The following TK2 variants were observed in gnomAD, a reference collection of about 807,000 sequenced individuals.
TK2 encodes thymidine kinase 2, mitochondrial.
In TK2, 35 loss-of-function variants were observed where a neutral mutation model predicts 41.9. That is an observed-to-expected ratio of 0.84 (90% CI 0.64 to 1.11). TK2 has a LOEUF of 1.11. Among genes scored for constraint, TK2 ranks in the 50% least tolerant of loss-of-function variants. The probability of loss-of-function intolerance (pLI) is 0.00; values close to 1 mark genes in which losing one functional copy is unlikely to be tolerated. For missense variants in TK2, 320 were observed against 351.1 expected, an observed-to-expected ratio of 0.91 and a Z score of 0.71; for synonymous variants, 128 against 129.1, an observed-to-expected ratio of 0.99 and a Z score of 0.06.
intron 2 of TK2, among the ~76,000 whole-genome samples, chr16:66,547,368 T>C (rs1330946553): frequency 6.6e-6 from 1 of 152,212 alleles, no homozygotes; most frequent in Non-Finnish European, 1.5e-5. Flanking sequence ...CGGATCGTGC[T>C]GGGTGGGGGT....
At chr16:66,518,417 C>T (rs1186341060) in intron 6 of TK2, among the ~76,000 whole-genome samples, 1 of 152,088 alleles carries the variant, frequency 6.6e-6, no homozygotes, top group Non-Finnish European at 1.5e-5. Flanking sequence ...ATGGTCCTAG[C>T]TACTCGGGAA....
Position 66,514,007 on chromosome 16 carries a change from C to T in TK2, c.619-196G>A. Reference sequence around the variant, plus strand: ...CACTCGGTGGCCAGGCTGAGCAAAACAGCACAAGTGTCACCAGCCACCCTG... The same window carrying T: ...CACTCGGTGGCCAGGCTGAGCAAAATAGCACAAGTGTCACCAGCCACCCTG... On this transcript the variant is annotated intron_variant, in intron 8 of 9. Coordinates refer to ENST00000544898, the MANE Select transcript of TK2 (RefSeq NM_004614.5). The surrounding 1 kb of genome is among the most constrained non-coding windows in gnomAD (Gnocchi z 4.2). 1.5e-6 allele frequency: 1 copy of T among 671,874 alleles called. No individual in the cohort carries two copies. Among genetic ancestry groups the T allele is most frequent in the Non-Finnish European group, 2.7e-6 (1 of 366,824 alleles). 41.6% of individuals were successfully genotyped at this position (671,874 alleles called of 1,614,324 possible).
At chr16:66,544,322 T>C (rs1221813449) in intron 2 of TK2, among the ~76,000 whole-genome samples, 1 of 152,196 alleles carries the variant, frequency 6.6e-6, no homozygotes. Flanking sequence ...ATAAGAGAAG[T>C]GCATGCCCAT....
intron 4 of TK2, among the ~76,000 whole-genome samples, chr16:66,531,850 A>C (rs150955607): frequency 1.4e-3 from 211 of 152,332 alleles, no homozygotes; most frequent in African/African-American, 4.7e-3. Context: ...TTAATGCAGG[A>C]ACAGAAAACC....
chr16:66,536,863 G>T, intron 4 of TK2, 101 bp downstream of exon 4: 2 of 1,382,970 alleles, frequency 1.4e-6, no homozygotes, highest in Non-Finnish European at 2.1e-6. Context: ...TCAGTTAAGA[G>T]CGCAGAGAAT....
chr16:66,540,806 C>T (rs1298228020), intron 3 of TK2, among the ~76,000 whole-genome samples: 1 of 152,234 alleles, frequency 6.6e-6, no homozygotes, highest in Non-Finnish European at 1.5e-5. Context: ...TTTCTTCTTA[C>T]CCATGTAGAC....
At chr16:66,530,633 C>G (rs145344103) in intron 5 of TK2, among the ~76,000 whole-genome samples, 180 of 152,188 alleles carry the variant, frequency 1.2e-3, no homozygotes, top group African/African-American at 4.2e-3. Context: ...ACCTGGAGGG[C>G]TTGATAAAAC....
chr16:66,531,537 G>T, intron 4 of TK2, 68 bp from the exon 5 acceptor site: 1 of 1,484,536 alleles, frequency 6.7e-7, no homozygotes, highest in Non-Finnish European at 9.4e-7. Flanking sequence ...GTCTCACAAG[G>T]CACTGAAGGA....
At chr16:66,528,419 G>A (rs571862037) in intron 6 of TK2, among the ~76,000 whole-genome samples, 3 of 152,266 alleles carry the variant, frequency 2.0e-5, no homozygotes, top group East Asian at 1.9e-4. Context: ...CAAATGCGAC[G>A]CACACTGTGC....
At chr16:66,533,022 T>C (rs1373372054) in intron 4 of TK2, among the ~76,000 whole-genome samples, 1 of 152,044 alleles carries the variant, frequency 6.6e-6, no homozygotes, top group African/African-American at 2.4e-5. Context: ...CCACCAACTA[T>C]GTATGAGGGT....
chr16:66,517,391 C>T lies in TK2; in HGVS notation c.539-176G>A, dbSNP rs75641132. 0.083 allele frequency: 58,225 copies of T among 705,210 alleles called. 2,807 individuals carry two copies. Among genetic ancestry groups the T allele is most frequent in the Admixed American group, 0.12 (5,791 of 48,918 alleles). 43.7% of individuals were successfully genotyped at this position (705,210 alleles called of 1,614,324 possible). A position where few individuals can be genotyped will look rare whatever the true frequency, so the allele number is the denominator to read the frequency against. On this transcript the variant is annotated intron_variant, in intron 7 of 9. Coordinates refer to ENST00000544898, the MANE Select transcript of TK2 (RefSeq NM_004614.5). The surrounding 1 kb of genome is among the most constrained non-coding windows in gnomAD (Gnocchi z 4.3). ...GACTTTCATTCTCTTTCAGTGTCAG[C>T]GGCCCCGTGGGGTCGTTTTGAGGCT...
At chr16:66,541,442 T>G (rs1965452546) in intron 3 of TK2, among the ~76,000 whole-genome samples, 1 of 152,224 alleles carries the variant, frequency 6.6e-6, no homozygotes, top group African/African-American at 2.4e-5. Flanking sequence ...TTTCTTTTTT[T>G]GAGACAGGGT....
At position 66,511,048 on chromosome 16, in the gene TK2, G is replaced by C. The variant is rs546381186; in HGVS notation, c.*920C>G. ...CCTTATACAAGGACACAGACAGTAC[G>C]GGAGCCTTGGAAGCCAGGGCTGGCT... is the stretch of plus-strand genomic sequence containing the variant. On this transcript the variant is annotated 3_prime_UTR_variant, in exon 10 of 10. Coordinates refer to ENST00000544898, the MANE Select transcript of TK2 (RefSeq NM_004614.5). 2 of 152,210 alleles carry C rather than the reference G, an allele frequency of 1.3e-5. No individual in the cohort carries two copies. Among genetic ancestry groups the C allele is most frequent in the East Asian group, 1.9e-4 (1 of 5,160 alleles). 9.4% of individuals were successfully genotyped at this position (152,210 alleles called of 1,614,324 possible). A position where few individuals can be genotyped will look rare whatever the true frequency, so the allele number is the denominator to read the frequency against.
intron 1 of TK2, 124 bp downstream of exon 1, chr16:66,549,814 C>G (rs866108586): frequency 1.6e-6 from 2 of 1,287,052 alleles, no homozygotes; most frequent in South Asian, 2.7e-5. Flanking sequence ...CCAGCCGCAG[C>G]CGGGGAGGAA....
intron 6 of TK2, among the ~76,000 whole-genome samples, chr16:66,521,612 C>T (rs895128862): frequency 4.6e-5 from 7 of 152,214 alleles, no homozygotes; most frequent in Non-Finnish European, 1.0e-4. Flanking sequence ...AGCCTGATCT[C>T]CATGACTCCG....
chr16:66,511,757 G>T lies in TK2; in HGVS notation c.*211C>A, dbSNP rs1000454288. On this transcript the variant is annotated 3_prime_UTR_variant, in exon 10 of 10. Coordinates refer to ENST00000544898, the MANE Select transcript of TK2 (RefSeq NM_004614.5). ...GAATGTGAGGCTGCGAACAGCAAAG[G>T]GCTTGGCAAACCCATTGGTCCCGTT... The T allele has an allele frequency of 9.6e-6, 6 of 626,784 alleles. No individual in the cohort carries two copies. The highest frequency in any genetic ancestry group is 1.8e-5 in the African/African-American group (1 of 54,960). 38.8% of individuals were successfully genotyped at this position (626,784 alleles called of 1,614,324 possible). A position where few individuals can be genotyped will look rare whatever the true frequency, so the allele number is the denominator to read the frequency against.
In TK2 at chr16:66,517,944, A is replaced by C; in HGVS notation, c.450-67T>G. 7.5e-7 allele frequency: 1 copy of C among 1,341,526 alleles called. No individual in the cohort carries two copies. Among genetic ancestry groups the C allele is most frequent in the Non-Finnish European group, 1.1e-6 (1 of 931,824 alleles). 83.1% of individuals were successfully genotyped at this position (1,341,526 alleles called of 1,614,324 possible). Reference sequence around the variant, plus strand: ...CTTCTGGGCTATGCAATTCCCCCAAAAGGATCTTGAGACGGCTCTCAATGA... The same window carrying C: ...CTTCTGGGCTATGCAATTCCCCCAACAGGATCTTGAGACGGCTCTCAATGA... On this transcript the variant is annotated intron_variant, in intron 6 of 9. Transcript: ENST00000544898. The surrounding 1 kb of genome is among the most constrained non-coding windows in gnomAD (Gnocchi z 4.3).
intron 1 of TK2, 38 bp downstream of exon 1, chr16:66,549,900 T>G (rs779921012): frequency 3.0e-6 from 4 of 1,335,534 alleles, no homozygotes; most frequent in Non-Finnish European, 3.8e-6. Flanking sequence ...GGTGGGCGCA[T>G]AGGGGCTCCT....
intron 4 of TK2, among the ~76,000 whole-genome samples, chr16:66,535,621 C>A (rs1241776715): frequency 6.6e-6 from 1 of 152,148 alleles, no homozygotes; most frequent in South Asian, 2.1e-4. Context: ...TATCACCACC[C>A]GCCAGATTAT....
Sources: allele counts gnomAD v4.1 joint callset (sites outside exome capture counted in the v4.1 genomes callset), GRCh38; gene constraint gnomAD v4.1.1; non-coding constraint Gnocchi (gnomAD v3.1); transcripts MANE v1.5; gene names NCBI Gene and HGNC (gene_info 2026-07-23, HGNC 2026-07-21).